CNTRL: variants seen among roughly 807,000 people sequenced by gnomAD.
CNTRL encodes the protein 110 kDa centrosomal protein.
A neutral mutation model predicts 303.7 loss-of-function variants in CNTRL; 233 were observed. The ratio of observed to expected loss-of-function variants is 0.77; its 90% CI spans 0.69 to 0.86. The LOEUF (loss-of-function observed/expected upper bound fraction) is 0.86. Among genes scored for constraint, CNTRL ranks in the 40% least tolerant of loss-of-function variants. The pLI, the probability that CNTRL is intolerant of heterozygous loss-of-function variation, is 0.00. For missense variants in CNTRL, 2,524 were observed against 2,650.6 expected (o/e 0.95, Z 1.05); for synonymous variants, 900 against 922.2 (o/e 0.98, Z 0.44).
chr9:121,140,763 G>T lies in CNTRL; in HGVS notation c.2460G>T (p.Leu820=), dbSNP rs1166011802. Residue 820 remains leucine (L), a synonymous_variant, in exon 17 of 44, where the codon CTG becomes CTT. Transcript: ENST00000373855. ...GTGTGGATGAGCTAAGAAGAAAACT[G>T]AAATTAGGAACTGGGGAAATGAAGT... is the stretch of plus-strand genomic sequence containing the variant. ...AARVDELRRK[L]KLGTGEMNIH... is the part of the protein sequence containing the mutation. The T allele has an allele frequency of 3.7e-6, 6 of 1,612,170 alleles. No homozygotes were observed. In the Admixed American group the frequency reaches 5.0e-5, roughly 13 times the overall value.
At chr9:121,108,981 G>T (rs1272565819) in intron 8 of CNTRL, among the ~76,000 whole-genome samples, 1 of 151,858 alleles carries the variant, frequency 6.6e-6, no homozygotes, top group South Asian at 2.1e-4. Context: ...TTATACCTTT[G>T]AATATTTTTG....
intron 7 of CNTRL, among the ~76,000 whole-genome samples, chr9:121,104,351 A>G (rs2049344788): frequency 6.6e-6 from 1 of 152,168 alleles, no homozygotes; most frequent in Non-Finnish European, 1.5e-5. Flanking sequence ...CAGGGTGGGT[A>G]ACACCACACA....
intron 16 of CNTRL, among the ~76,000 whole-genome samples, chr9:121,139,985 C>T (rs1048757743): frequency 6.6e-6 from 1 of 152,142 alleles, no homozygotes; most frequent in African/African-American, 2.4e-5. Context: ...GCCAACTAAC[C>T]TCCTGAGTAC....
chr9:121,119,371 C>T (rs1311476438), intron 12 of CNTRL, among the ~76,000 whole-genome samples: 1 of 150,878 alleles, frequency 6.6e-6, no homozygotes, highest in African/African-American at 2.4e-5. Flanking sequence ...TCTCCGCTCA[C>T]TGCAACCTCC....
In CNTRL at chr9:121,075,036, C is replaced by A; in HGVS notation, c.-236C>A. 2.2e-6 allele frequency: 1 copy of A among 445,278 alleles called. No homozygotes were observed. The allele number at this position is 445,278 out of a possible 1,614,324, so 27.6% of individuals were successfully genotyped here. ...CCGAACTTCTCCCGCTCTACCTCAG[C>A]CTGCGGGACTGCTCGGCTCGGCTTC... On this transcript the variant is annotated 5_prime_UTR_variant, in exon 1 of 44. Coordinates refer to ENST00000373855, the MANE Select transcript of CNTRL (RefSeq NM_007018.6).
intron 14 of CNTRL, among the ~76,000 whole-genome samples, chr9:121,127,593 C>A (rs1346451436): frequency 6.6e-6 from 1 of 151,386 alleles, no homozygotes; most frequent in South Asian, 2.1e-4. Context: ...CGAGAGTCAC[C>A]AATTACTATT....
At chr9:121,132,990 G>A (rs559072412) in intron 14 of CNTRL, among the ~76,000 whole-genome samples, 40 of 152,304 alleles carry the variant, frequency 2.6e-4, no homozygotes, top group African/African-American at 8.9e-4. Context: ...AAATATTGCT[G>A]CCTAATCCTT....
chr9:121,140,563 AGATATGTTTGTTAGTTCGTTAGTAGT>A, intron 16 of CNTRL, 52 bp from the exon 17 acceptor site: 1 of 1,305,126 alleles, frequency 7.7e-7, no homozygotes, highest in Admixed American at 2.4e-5. Flanking sequence ...TCTGTGGTCT[AGATATGTTTGTTAGTTCGTTAGTAGT>A]GAAAATATGC....
chr9:121,124,964 GAGAT>G (rs2050431248), intron 13 of CNTRL, among the ~76,000 whole-genome samples: 4 of 149,946 alleles, frequency 2.7e-5, no homozygotes, highest in African/African-American at 9.8e-5. Flanking sequence ...AAAAAAGAGA[GAGAT>G]AGTGTTCATA....
chr9:121,173,122 G>A, intron 40 of CNTRL, 121 bp from the exon 41 acceptor site: 1 of 878,308 alleles, frequency 1.1e-6, no homozygotes, highest in Non-Finnish European at 1.7e-6. Context: ...AGTTTTTACA[G>A]TTCTAGTAAT....
At position 121,125,947 on chromosome 9, in the gene CNTRL, T is replaced by C. The variant is rs1408128138; in HGVS notation, c.2025+11T>C. 1 of 1,609,212 alleles carries C rather than the reference T, an allele frequency of 6.2e-7. No individual in the cohort carries two copies. The highest frequency in any genetic ancestry group is 1.3e-5 in the African/African-American group (1 of 74,836). The stretch of plus-strand genomic sequence containing the variant: ...GAAAATATGAGGAAGGTATGATTTT[T>C]TTCCTGCCTATTTTCCGTAGCTTCA... On this transcript the variant is annotated intron_variant, in intron 14 of 43. Coordinates refer to ENST00000373855, the MANE Select transcript of CNTRL (RefSeq NM_007018.6).
At chr9:121,095,106 G>T in intron 5 of CNTRL, 88 bp downstream of exon 5, 1 of 981,256 alleles carries the variant, frequency 1.0e-6, no homozygotes, top group South Asian at 1.8e-5. Context: ...CTGAAAGAAT[G>T]ATTTGACAGA....
At chr9:121,154,574 C>T in intron 26 of CNTRL, 147 bp from the exon 27 acceptor site, 1 of 564,452 alleles carries the variant, frequency 1.8e-6, no homozygotes, top group Non-Finnish European at 3.1e-6. Context: ...AAACCTAGAC[C>T]TTGAACAAAA....
At chr9:121,144,638 T>C (rs927795185) in intron 20 of CNTRL, among the ~76,000 whole-genome samples, 3 of 152,190 alleles carry the variant, frequency 2.0e-5, no homozygotes, top group Non-Finnish European at 4.4e-5. Flanking sequence ...CCTTTGTTCT[T>C]TCTGATGCCG....
At position 121,167,602 on chromosome 9, in the gene CNTRL, GACAAA is replaced by G; in HGVS notation, c.5774_5778del (p.Lys1925ThrfsTer9). 1 of 1,614,140 alleles carries G rather than the reference GACAAA, an allele frequency of 6.2e-7. No individual in the cohort carries two copies. Among genetic ancestry groups the G allele is most frequent in the Middle Eastern group, 1.7e-4 (1 of 6,060 alleles). On this transcript the variant is annotated frameshift_variant, in exon 37 of 44. Coordinates refer to ENST00000373855, the MANE Select transcript of CNTRL (RefSeq NM_007018.6). LOFTEE classifies it high-confidence loss of function. ...TTGAAGACTGTCAGAAAGAAGAGGA[GACAAA>G]ACAACAACAACTTCAAGTGCTTCAG...
intron 12 of CNTRL, among the ~76,000 whole-genome samples, chr9:121,119,729 C>A (rs754771165): frequency 6.6e-6 from 1 of 150,444 alleles, no homozygotes; most frequent in Non-Finnish European, 1.5e-5. Flanking sequence ...CTCCTGACCT[C>A]CTGATCTGCC....
chr9:121,119,981 G>A (rs559192173), intron 12 of CNTRL, among the ~76,000 whole-genome samples: 31 of 152,274 alleles, frequency 2.0e-4, no homozygotes, highest in African/African-American at 7.0e-4. Flanking sequence ...ATATGGTCAG[G>A]TGGCTGGATA....
chr9:121,135,284 G>A (rs897441124), intron 14 of CNTRL, among the ~76,000 whole-genome samples: 4 of 150,018 alleles, frequency 2.7e-5, no homozygotes, highest in African/African-American at 9.8e-5. Flanking sequence ...AATAGAGAGA[G>A]TATGGGCTTT....
chr9:121,143,983 C>T lies in CNTRL; in HGVS notation c.2952C>T (p.Ala984=), dbSNP rs1354443290. ...KELKKLKKAV[A]TSDKLATAEL... is the part of the protein sequence containing the mutation. ...TGAAGAAACTAAAGAAAGCCGTGGC[C>T]ACCTCTGATAAGCTAGCCACAGCTG... The change falls in exon 20 of 44, where the codon GCC becomes GCT. Residue 984 remains alanine (A), a synonymous_variant. Coordinates refer to ENST00000373855, the MANE Select transcript of CNTRL (RefSeq NM_007018.6). The T allele has an allele frequency of 1.2e-6, 2 of 1,613,752 alleles. No individual in the cohort carries two copies. Among genetic ancestry groups the T allele is most frequent in the Middle Eastern group, 1.7e-4 (1 of 6,060 alleles).
Sources: allele counts gnomAD v4.1 joint callset (sites outside exome capture counted in the v4.1 genomes callset), GRCh38; gene constraint gnomAD v4.1.1; transcripts MANE v1.5; gene names NCBI Gene and HGNC (gene_info 2026-07-23, HGNC 2026-07-21).